The following WDR11 variants were observed in gnomAD, a reference collection of about 807,000 sequenced individuals.
WDR11 encodes the protein WD repeat-containing protein 11.
A neutral mutation model predicts 151.2 loss-of-function variants in WDR11; 83 were observed. The ratio of observed to expected loss-of-function variants is 0.55; its 90% CI spans 0.46 to 0.66. The LOEUF is 0.66. Ranked by LOEUF, WDR11 falls within the 30% of genes least tolerant of loss-of-function variation. The pLI is 0.00. For synonymous variants in WDR11, 484 were observed against 533.1 expected (o/e 0.91, Z 1.27); for missense variants, 1,301 against 1,480.9 (o/e 0.88, Z 1.99).
intron 24 of WDR11, 124 bp downstream of exon 24, chr10:120,904,266 A>T: frequency 1.3e-6 from 1 of 774,634 alleles, no homozygotes; most frequent in Non-Finnish European, 2.2e-6. Context: ...CCTTCCCTGT[A>T]GACAGTTTAG....
Position 120,890,807 on chromosome 10 carries a change from C to T in WDR11, c.2435C>T (p.Ala812Val). ...TGTACGTCAGATAAAGTGATCTTGG[C>T]CTCAGATGATGGGTGCATCAGAGTC... ...DWCTSDKVIL[A>V]SDDGCIRVLE... The change falls in exon 19 of 29, where the codon GCC (alanine) becomes GTC (valine). Residue 812 changes from alanine (A) to valine (V), a missense_variant. Physicochemically the swap from Ala to Val is moderately conservative, Grantham distance 64. Transcript: ENST00000263461. The T allele has an allele frequency of 6.2e-7, 1 of 1,614,098 alleles. No individual in the cohort carries two copies. Among genetic ancestry groups the T allele is most frequent in the Non-Finnish European group, 8.5e-7 (1 of 1,180,014 alleles).
At chr10:120,902,203 TTTA>T (rs1381270888) in intron 21 of WDR11, 51 bp from the exon 22 acceptor site, 1 of 1,459,006 alleles carries the variant, frequency 6.9e-7, no homozygotes, top group African/African-American at 1.4e-5. Context: ...ACCCCCATGC[TTTA>T]TTGTTTGATT....
intron 2 of WDR11, among the ~76,000 whole-genome samples, chr10:120,855,247 T>C (rs977289947): frequency 2.0e-5 from 3 of 152,188 alleles, no homozygotes; most frequent in Non-Finnish European, 2.9e-5. Context: ...GTATGGCTAC[T>C]GAGGGCAGGT....
At chr10:120,876,725 T>G (rs1296177275) in intron 11 of WDR11, among the ~76,000 whole-genome samples, 2 of 152,238 alleles carry the variant, frequency 1.3e-5, no homozygotes, top group Non-Finnish European at 2.9e-5. Context: ...TAATCACTAC[T>G]TATTCTAGGG....
chr10:120,876,419 A>G lies in WDR11; in HGVS notation c.1557-1934A>G, dbSNP rs142140610. 1.2e-4 allele frequency among the ~76,000 whole-genome samples: 18 copies of G among 152,330 alleles called. No homozygotes were observed. The East Asian group carries it at 3.3e-3, about 28-fold the overall frequency. ...TTGCCACCTTACGCTGTTCCTATAC[A>G]GCATCTCCCCAGATACATTTACGTG... On this transcript the variant is annotated intron_variant, in intron 11 of 28. Transcript: ENST00000263461.
Position 120,890,023 on chromosome 10 carries a change from A to C in WDR11, c.2343+14A>C, listed in dbSNP as rs1304880383. On this transcript the variant is annotated intron_variant, in intron 18 of 28. Transcript: ENST00000263461. ...GATACTAAAGAGGTAGGCCCTCTCC[A>C]TGAGGATAAAACGTAAATAAATTGT... is the stretch of plus-strand genomic sequence containing the variant. 14 of 1,531,966 alleles carry C rather than the reference A, an allele frequency of 9.1e-6. No homozygotes were observed. Among genetic ancestry groups the C allele is most frequent in the Non-Finnish European group, 1.2e-5 (13 of 1,106,270 alleles). 94.9% of individuals were successfully genotyped at this position (1,531,966 alleles called of 1,614,324 possible).
chr10:120,889,879 G>A lies in WDR11; in HGVS notation c.2229-16G>A, dbSNP rs1230777332. The A allele has an allele frequency of 4.5e-6, 7 of 1,572,660 alleles. No individual in the cohort carries two copies. The highest frequency in any genetic ancestry group is 5.3e-6 in the Non-Finnish European group (6 of 1,142,652). On this transcript the variant is annotated splice_polypyrimidine_tract_variant and intron_variant, in intron 17 of 28. Coordinates refer to ENST00000263461, the MANE Select transcript of WDR11 (RefSeq NM_018117.12). The stretch of plus-strand genomic sequence containing the variant: ...CACTCTACATTGTATTGATGTTTTT[G>A]TTTCTTTGTCTTCAGAGGAATACCC...
chr10:120,871,991 A>G (rs138120812), intron 10 of WDR11, among the ~76,000 whole-genome samples: 1 of 152,360 alleles, frequency 6.6e-6, no homozygotes, highest in East Asian at 1.9e-4. Flanking sequence ...ACACATTATT[A>G]AAATACATTT....
Position 120,860,200 on chromosome 10 carries a change from TG to T in WDR11, c.446del (p.Gly149AlafsTer26), listed in dbSNP as rs1388016040. ...NYIVLWNADT[G>X]TKLWKKSYAD... ...ACATTGTGCTCTGGAATGCCGACAC[TG>T]GCACCAAACTATGGAAGAAGAGCTA... On this transcript the variant is annotated frameshift_variant, in exon 4 of 29. Transcript: ENST00000263461. LOFTEE classifies it high-confidence loss of function. The T allele has an allele frequency of 6.2e-7, 1 of 1,614,214 alleles. No homozygotes were observed. Among genetic ancestry groups the T allele is most frequent in the Admixed American group, 1.7e-5 (1 of 60,030 alleles).
intron 5 of WDR11, among the ~76,000 whole-genome samples, chr10:120,863,253 A>G (rs1490823651): frequency 6.6e-6 from 1 of 152,150 alleles, no homozygotes; most frequent in Non-Finnish European, 1.5e-5. Flanking sequence ...CAAAAGCTGG[A>G]TACTCATTTT....
intron 10 of WDR11, 30 bp from the exon 11 acceptor site, chr10:120,873,809 T>A (rs1416998860): frequency 3.4e-6 from 5 of 1,491,868 alleles, no homozygotes; most frequent in Non-Finnish European, 4.7e-6. Context: ...CCCACTGAAT[T>A]AATGCTCTTC....
At chr10:120,873,089 A>C (rs1846605417) in intron 10 of WDR11, among the ~76,000 whole-genome samples, 1 of 152,190 alleles carries the variant, frequency 6.6e-6, no homozygotes, top group Non-Finnish European at 1.5e-5. Flanking sequence ...ATACTACCTG[A>C]GACCATGAAA....
Position 120,896,894 on chromosome 10 carries a change from C to T in WDR11, c.2516-3135C>T, listed in dbSNP as rs1847634551. On this transcript the variant is annotated intron_variant, in intron 19 of 28. Coordinates refer to ENST00000263461, the MANE Select transcript of WDR11 (RefSeq NM_018117.12). ...CAGAGAGTTTTCTTGCAATGACACT[C>T]AATGGCAGTGAGCGCACATAGCACC... Among the ~76,000 whole-genome samples the T allele has an allele frequency of 2.0e-5, 3 of 152,172 alleles. No individual in the cohort carries two copies. In the South Asian group the frequency reaches 6.2e-4, roughly 31 times the overall value.
chr10:120,897,858 T>C (rs913385953), intron 19 of WDR11, among the ~76,000 whole-genome samples: 2 of 152,204 alleles, frequency 1.3e-5, no homozygotes, highest in African/African-American at 2.4e-5. Flanking sequence ...TTTTAAGTGA[T>C]TTTACTGAAT....
In WDR11 at chr10:120,886,720, C is replaced by T. The variant is rs922749723; in HGVS notation, c.2005C>T (p.Leu669Phe). 1 of 1,613,932 alleles carries T rather than the reference C, an allele frequency of 6.2e-7. No individual in the cohort carries two copies. Among genetic ancestry groups the T allele is most frequent in the Admixed American group, 1.7e-5 (1 of 60,000 alleles). Residue 669 changes from leucine to phenylalanine, a missense_variant, in exon 16 of 29, where the codon CTT becomes TTT. By Grantham distance (22) the Leu-to-Phe change is conservative. Coordinates refer to ENST00000263461, the MANE Select transcript of WDR11 (RefSeq NM_018117.12). ...GCAGGAGGCAGAAAGTAAATCTGAA[C>T]TTAGTCAGAACATCTCTGCCCGGGA... ...LLQEAESKSE[L>F]SQNISAREHF...
intron 12 of WDR11, chr10:120,880,041 A>C (rs1846943029): frequency 6.6e-6 from 1 of 152,200 alleles, no homozygotes; most frequent in Admixed American, 6.5e-5. Flanking sequence ...ATATTTAACT[A>C]GTATTTTGCA....
At position 120,905,469 on chromosome 10, in the gene WDR11, C is replaced by T. The variant is rs1848002804; in HGVS notation, c.3291+53C>T. ...CCCTCAACATTCGGGATAGAAAGCTCAGTCCTGAACTTTGGACTTATGACT... is the reference window on the plus strand; with the variant it reads ...CCCTCAACATTCGGGATAGAAAGCTTAGTCCTGAACTTTGGACTTATGACT... On this transcript the variant is annotated intron_variant, in intron 26 of 28. Transcript: ENST00000263461. 3.8e-6 allele frequency: 6 copies of T among 1,584,702 alleles called. No individual in the cohort carries two copies. In the Admixed American group the frequency reaches 6.7e-5, roughly 18 times the overall value.
At position 120,903,177 on chromosome 10, in the gene WDR11, T is replaced by G. The variant is rs759215350; in HGVS notation, c.2876T>G (p.Leu959Arg). 6.2e-7 allele frequency: 1 copy of G among 1,614,074 alleles called. No homozygotes were observed. The highest frequency in any genetic ancestry group is 2.2e-5 in the East Asian group (1 of 44,902). The change falls in exon 23 of 29, where the codon CTG becomes CGG. Residue 959 changes from leucine (L) to arginine (R), a missense_variant. Physicochemically the swap from Leu to Arg is moderately radical, Grantham distance 102 (BLOSUM62 -2). This residue lies in a region of WDR11 where 589 missense variants were observed against 670.6 expected (regional missense o/e 0.88). Transcript: ENST00000263461. The part of the protein sequence containing the change: ...APKEAAPRDK[L>R]SNPLDICYDV... Reference sequence around the variant, plus strand: ...AAAGAAGCTGCTCCTCGAGACAAACTGAGCAACCCACTGGATATATGCTAT... The same window carrying G: ...AAAGAAGCTGCTCCTCGAGACAAACGGAGCAACCCACTGGATATATGCTAT...
At position 120,871,165 on chromosome 10, in the gene WDR11, A is replaced by G. The variant is rs778442535; in HGVS notation, c.1295-5A>G. 6.2e-7 allele frequency: 1 copy of G among 1,614,168 alleles called. No individual in the cohort carries two copies. Among genetic ancestry groups the G allele is most frequent in the Non-Finnish European group, 8.5e-7 (1 of 1,180,024 alleles). On this transcript the variant is annotated splice_region_variant and splice_polypyrimidine_tract_variant and intron_variant, in intron 9 of 28. Transcript: ENST00000263461. ...AATATATTTGTTATTTTTATTACAA[A>G]TCAGGGCAAAGTGCAATTGCTGGGG...
Sources: gnomAD v4.1 joint callset for allele counts (sites outside exome capture counted in the v4.1 genomes callset) on GRCh38, gnomAD v4.1.1 for gene constraint, gnomAD v4.1.1 regional missense constraint, MANE v1.5 for transcripts, NCBI Gene and HGNC (gene_info 2026-07-23, HGNC 2026-07-21) for gene names.